The following KLHL20 variants were observed in gnomAD, a reference collection of about 807,000 sequenced individuals.
KLHL20 encodes kelch like family member 20.
KLHL20 carries 29 observed loss-of-function variants against 69.5 expected under a neutral mutation model. That is an observed-to-expected ratio of 0.42 (90% CI 0.31 to 0.57). The LOEUF (loss-of-function observed/expected upper bound fraction) is 0.57, where lower values mean the gene tolerates loss of function less well. Among genes scored for constraint, KLHL20 ranks in the 20% least tolerant of loss-of-function variants. The pLI is 0.18. For missense variants in KLHL20, 419 were observed against 776.0 expected (o/e 0.54, Z 5.47); for synonymous variants, 253 against 265.2 (o/e 0.95, Z 0.45).
At chr1:173,727,610 A>G (rs1672040795) in intron 2 of KLHL20, among the ~76,000 whole-genome samples, 1 of 152,234 alleles carries the variant, frequency 6.6e-6, no homozygotes, top group African/African-American at 2.4e-5. Context: ...ATTCTTAAAG[A>G]AAAGAATTTT....
At chr1:173,782,742 A>T (rs780964899) in intron 11 of KLHL20, among the ~76,000 whole-genome samples, 2 of 152,234 alleles carry the variant, frequency 1.3e-5, no homozygotes, top group Non-Finnish European at 2.9e-5. Flanking sequence ...CTTATTTAAG[A>T]GAGCTTAACT....
At chr1:173,739,780 C>T (rs1672711366) in intron 3 of KLHL20, among the ~76,000 whole-genome samples, 1 of 150,806 alleles carries the variant, frequency 6.6e-6, no homozygotes, top group Non-Finnish European at 1.5e-5. Context: ...GCTGGGATTA[C>T]AGGCACCTGC....
At chr1:173,741,945 A>C in intron 3 of KLHL20, 3 of 915,042 alleles carry the variant, frequency 3.3e-6, no homozygotes, top group Non-Finnish European at 5.1e-6. Flanking sequence ...ACTCTGAATC[A>C]AGATAAGTGG....
chr1:173,784,831 A>C (rs1371548349), intron 11 of KLHL20, among the ~76,000 whole-genome samples: 1 of 152,222 alleles, frequency 6.6e-6, no homozygotes, highest in Non-Finnish European at 1.5e-5. Context: ...GAAAATGTAG[A>C]ATATATAATT....
chr1:173,771,983 CA>C (rs1382790834), intron 8 of KLHL20, among the ~76,000 whole-genome samples: 7 of 152,022 alleles, frequency 4.6e-5, no homozygotes, highest in African/African-American at 1.7e-4. Context: ...CCTTGAAAAC[CA>C]GAGTGTGGAG....
At chr1:173,764,872 T>C (rs1194820044) in intron 7 of KLHL20, among the ~76,000 whole-genome samples, 1 of 142,234 alleles carries the variant, frequency 7.0e-6, no homozygotes, top group African/African-American at 2.5e-5. Flanking sequence ...CAATAACTTA[T>C]GGAAAAATAA....
At chr1:173,740,223 G>A (rs1295001921) in intron 3 of KLHL20, among the ~76,000 whole-genome samples, 1 of 149,712 alleles carries the variant, frequency 6.7e-6, no homozygotes, top group Admixed American at 6.7e-5. Context: ...CTGGGTTCAC[G>A]CCATTCTCCT....
At chr1:173,780,267 A>G (rs747640497) in intron 10 of KLHL20, among the ~76,000 whole-genome samples, 16 of 152,206 alleles carry the variant, frequency 1.1e-4, no homozygotes, top group Non-Finnish European at 1.8e-4. Context: ...CCTCTCCTTA[A>G]GTAGCTCCCA....
chr1:173,753,632 A>G (rs1400391567), intron 5 of KLHL20, among the ~76,000 whole-genome samples: 1 of 152,124 alleles, frequency 6.6e-6, no homozygotes, highest in Non-Finnish European at 1.5e-5. Context: ...TCCTTGAGAT[A>G]ATTAAATAAT....
chr1:173,777,933 G>C (rs1173560385), intron 10 of KLHL20, among the ~76,000 whole-genome samples: 1 of 152,106 alleles, frequency 6.6e-6, no homozygotes, highest in Non-Finnish European at 1.5e-5. Context: ...CCTAAAGTGA[G>C]TTTGGAAGTG....
At chr1:173,756,214 C>G (rs1404533035) in intron 6 of KLHL20, among the ~76,000 whole-genome samples, 176 bp downstream of exon 6, 1 of 152,194 alleles carries the variant, frequency 6.6e-6, no homozygotes, top group African/African-American at 2.4e-5. Context: ...AAAGAGTGCT[C>G]TATTCTTTTT....
intron 2 of KLHL20, 35 bp downstream of exon 2, chr1:173,716,101 G>C (rs2102444818): frequency 6.2e-7 from 1 of 1,604,278 alleles, no homozygotes; most frequent in East Asian, 2.2e-5. Context: ...TGGTTTCACT[G>C]ATTAAAATTC....
At chr1:173,745,080 T>A (rs1266131722) in intron 3 of KLHL20, among the ~76,000 whole-genome samples, 2 of 152,046 alleles carry the variant, frequency 1.3e-5, no homozygotes. Flanking sequence ...TCCTATCCAA[T>A]AACAAGATTT....
rs911580898 is a variant in KLHL20, at chr1:173,775,900, A to G, written c.1638+58A>G. 14 of 1,435,996 alleles carry G rather than the reference A, an allele frequency of 9.7e-6. 1 individual carries two copies. In the Admixed American group the frequency reaches 1.8e-4, roughly 19 times the overall value. The allele number at this position is 1,435,996 out of a possible 1,614,324, so 89.0% of individuals were successfully genotyped here. ...AATCTTGGCTATTAATAGTGCTGCA[A>G]TAAACATGGGAGTGCAGATATCTCT... On this transcript the variant is annotated intron_variant, in intron 10 of 11. Transcript: ENST00000209884.
intron 2 of KLHL20, among the ~76,000 whole-genome samples, chr1:173,717,562 G>T (rs1041078319): frequency 6.6e-6 from 1 of 152,126 alleles, no homozygotes; most frequent in Non-Finnish European, 1.5e-5. Context: ...AACCCAGAAG[G>T]CAGTCTCTGT....
intron 2 of KLHL20, among the ~76,000 whole-genome samples, chr1:173,729,106 A>C (rs1672123699): frequency 6.6e-6 from 1 of 152,246 alleles, no homozygotes; most frequent in Admixed American, 6.5e-5. Flanking sequence ...ACCTCTGTGC[A>C]AATAAACTAG....
intron 8 of KLHL20, among the ~76,000 whole-genome samples, chr1:173,767,223 AT>A (rs1314440438): frequency 6.6e-6 from 1 of 151,954 alleles, no homozygotes; most frequent in African/African-American, 2.4e-5. Flanking sequence ...AAATGTCAGG[AT>A]TTCCTTCTTT....
intron 7 of KLHL20, among the ~76,000 whole-genome samples, chr1:173,760,500 C>G (rs535010101): frequency 6.6e-6 from 1 of 152,282 alleles, no homozygotes; most frequent in African/African-American, 2.4e-5. Context: ...GGAAAACCTA[C>G]CATATTAACA....
At chr1:173,785,066 T>C (rs748071419) in intron 11 of KLHL20, 97 bp from the exon 12 acceptor site, 146 of 901,766 alleles carry the variant, frequency 1.6e-4, no homozygotes, top group Non-Finnish European at 2.4e-4. Context: ...ATATAAAACA[T>C]AGAAACGTGT....
Sources: allele counts gnomAD v4.1 joint callset (sites outside exome capture counted in the v4.1 genomes callset), GRCh38; gene constraint gnomAD v4.1.1; transcripts MANE v1.5; gene names NCBI Gene and HGNC (gene_info 2026-07-23, HGNC 2026-07-21).